The following FRMPD3 variants were observed in gnomAD, a reference collection of about 807,000 sequenced individuals.
FRMPD3 encodes the protein FERM and PDZ domain containing 3, also known as FERM and PDZ domain-containing protein 3.
Under a neutral mutation model 97.9 loss-of-function variants are expected in FRMPD3, and 42 were observed. That is an observed-to-expected ratio of 0.43 (90% CI 0.34 to 0.55). The LOEUF is 0.55. Among genes scored for constraint, FRMPD3 ranks in the 20% least tolerant of loss-of-function variants. The pLI, the probability that FRMPD3 is intolerant of heterozygous loss-of-function variation, is 0.03. For synonymous variants in FRMPD3, 577 were observed against 581.1 expected (o/e 0.99, Z 0.10); for missense variants, 1,303 against 1,457.7 (o/e 0.89, Z 1.73).
intron 8 of FRMPD3, among the ~76,000 whole-genome samples, chrX:107,556,191 G>A (rs747535778): frequency 8.1e-5 from 9 of 111,457 alleles, no homozygotes; most frequent in Non-Finnish European, 1.3e-4. Flanking sequence ...CTTTTTGACT[G>A]TTCTGACAAC....
chrX:107,591,653 C>G (rs749730411), intron 13 of FRMPD3, among the ~76,000 whole-genome samples: 30 of 112,212 alleles, frequency 2.7e-4, no homozygotes, highest in African/African-American at 9.7e-4. Context: ...AAAACACCAA[C>G]TTTTAGTTTT....
intron 10 of FRMPD3, 68 bp from the exon 11 acceptor site, chrX:107,563,043 T>G: frequency 2.3e-5 from 20 of 877,362 alleles, no homozygotes; most frequent in Non-Finnish European, 3.0e-5. Context: ...GACTCCTCGT[T>G]GAGAACATGG....
At chrX:107,560,596 TC>T in intron 9 of FRMPD3, 130 bp from the exon 10 acceptor site, 1 of 895,268 alleles carries the variant, frequency 1.1e-6, no homozygotes, top group Non-Finnish European at 1.5e-6. Flanking sequence ...CCTATCCCTG[TC>T]CCTTTTTCTT....
intron 1 of FRMPD3, among the ~76,000 whole-genome samples, chrX:107,468,928 C>G (rs935486089): frequency 1.5e-4 from 17 of 112,719 alleles, no homozygotes; most frequent in African/African-American, 5.5e-4. Flanking sequence ...CTATAAAACC[C>G]TTTCATATTT....
In FRMPD3 at chrX:107,564,879, G is replaced by A. The variant is rs377600964; in HGVS notation, c.1117-8G>A. On this transcript the variant is annotated splice_region_variant and splice_polypyrimidine_tract_variant and intron_variant, in intron 11 of 14. Coordinates refer to ENST00000683843, the MANE Select transcript of FRMPD3 (RefSeq NM_001388459.1). ...CTGTGAACGTTGCCTGCCATTCTTG[G>A]GCACCAGGATGAGAAGCAGTCGGCC... The A allele has an allele frequency of 9.1e-6, 11 of 1,207,957 alleles. No homozygotes were observed. The highest frequency in any genetic ancestry group is 1.2e-5 in the Non-Finnish European group (11 of 894,431).
At chrX:107,585,813 G>A (rs1923617308) in intron 13 of FRMPD3, among the ~76,000 whole-genome samples, 1 of 112,098 alleles carries the variant, frequency 8.9e-6, no homozygotes, top group South Asian at 3.7e-4. Context: ...TTATGGATAA[G>A]TTTTTCGATG....
chrX:107,575,430 A>G (rs1923063734), intron 12 of FRMPD3, among the ~76,000 whole-genome samples: 1 of 111,540 alleles, frequency 9.0e-6, no homozygotes, highest in Non-Finnish European at 1.9e-5. Context: ...ACAGGGAAAT[A>G]AAGGAAAGGG....
chrX:107,495,315 A>T (rs1458002713), intron 1 of FRMPD3, among the ~76,000 whole-genome samples: 1 of 111,502 alleles, frequency 9.0e-6, no homozygotes, highest in Non-Finnish European at 1.9e-5. Flanking sequence ...GCAGCCAATC[A>T]TCTCCAAACC....
intron 1 of FRMPD3, among the ~76,000 whole-genome samples, chrX:107,459,367 C>T (rs754700559): frequency 5.7e-4 from 64 of 112,498 alleles, no homozygotes; most frequent in African/African-American, 2.0e-3. Flanking sequence ...GAAGGTCACA[C>T]CTGTGCCAGA....
intron 12 of FRMPD3, among the ~76,000 whole-genome samples, chrX:107,566,310 T>A (rs1922600734): frequency 8.8e-6 from 1 of 113,143 alleles, no homozygotes; most frequent in South Asian, 3.6e-4. Flanking sequence ...AGAAAATTAT[T>A]TGCTTTATTT....
chrX:107,468,989 T>G (rs992268777), intron 1 of FRMPD3, among the ~76,000 whole-genome samples: 2 of 111,921 alleles, frequency 1.8e-5, no homozygotes, highest in Non-Finnish European at 3.8e-5. Context: ...TGGGAGAAAA[T>G]CAGGAAGATG....
chrX:107,595,811 G>A (rs1248022439), intron 13 of FRMPD3, among the ~76,000 whole-genome samples: 6 of 109,356 alleles, frequency 5.5e-5, no homozygotes, highest in East Asian at 2.9e-4. Context: ...GGTGGCAGGC[G>A]CCTGTAATCC....
chrX:107,466,989 G>GGTGTGTGTGTGT (rs773231357), intron 1 of FRMPD3, among the ~76,000 whole-genome samples: 50 of 98,156 alleles, frequency 5.1e-4, no homozygotes, highest in African/African-American at 1.8e-3. Context: ...ACAGGTTGGA[G>GGTGTGTGTGTGT]GTGTGTGTGT....
chrX:107,546,622 T>G (rs956533909), intron 5 of FRMPD3, among the ~76,000 whole-genome samples: 8 of 111,706 alleles, frequency 7.2e-5, no homozygotes, highest in African/African-American at 2.6e-4. Context: ...AAGAGGCAGG[T>G]GAAGAGCAGA....
intron 8 of FRMPD3, 27 bp from the exon 9 acceptor site, chrX:107,560,230 A>T: frequency 8.3e-7 from 1 of 1,205,341 alleles, no homozygotes; most frequent in East Asian, 3.0e-5. Flanking sequence ...CCTTCAGCTG[A>T]TAGGTTTGGA....
intron 1 of FRMPD3, among the ~76,000 whole-genome samples, chrX:107,450,892 C>T (rs1476569567): frequency 9.4e-6 from 1 of 106,467 alleles, no homozygotes; most frequent in Non-Finnish European, 1.9e-5. Context: ...AGCAACCCCC[C>T]GTCACACGCA....
At chrX:107,529,541 C>T (rs1479344003) in intron 2 of FRMPD3, among the ~76,000 whole-genome samples, 3 of 110,699 alleles carry the variant, frequency 2.7e-5, no homozygotes, top group Non-Finnish European at 3.8e-5. Context: ...GCCGAGATCA[C>T]GCCACTGCAC....
chrX:107,575,702 C>T (rs1923079570), intron 12 of FRMPD3, among the ~76,000 whole-genome samples: 1 of 112,245 alleles, frequency 8.9e-6, no homozygotes, highest in Admixed American at 9.4e-5. Context: ...CCTCCTGCCT[C>T]GGCCTCCCAA....
At chrX:107,488,105 C>T (rs1377335315) in intron 1 of FRMPD3, among the ~76,000 whole-genome samples, 1 of 111,632 alleles carries the variant, frequency 9.0e-6, no homozygotes, top group Non-Finnish European at 1.9e-5. Flanking sequence ...TACCACACAG[C>T]GTTAAGCTCT....
Sources: allele counts gnomAD v4.1 joint callset (sites outside exome capture counted in the v4.1 genomes callset), GRCh38; gene constraint gnomAD v4.1.1; transcripts MANE v1.5; gene names NCBI Gene and HGNC (gene_info 2026-07-23, HGNC 2026-07-21).